Variants in TMTC4 observed in about 807,000 individuals in gnomAD.
The protein encoded by TMTC4 is transmembrane O-mannosyltransferase targeting cadherins 4.
Under a neutral mutation model 86.0 loss-of-function variants are expected in TMTC4, and 65 were observed. The observed-to-expected ratio is 0.76, with a 90% CI of 0.62 to 0.93. The LOEUF is 0.93. TMTC4 is among the 40% of genes least tolerant of loss of function. The pLI is 0.00. For synonymous variants in TMTC4, 379 were observed against 382.5 expected (o/e 0.99, Z 0.11); for missense variants, 866 against 948.1 (o/e 0.91, Z 1.14).
Position 100,621,998 on chromosome 13 carries a change from C to T in TMTC4, c.1836+3537G>A, listed in dbSNP as rs1002849333. Among the ~76,000 whole-genome samples the T allele has an allele frequency of 8.5e-5, 13 of 152,182 alleles. No homozygotes were observed. In the East Asian group the frequency reaches 2.5e-3, roughly 29 times the overall value. On this transcript the variant is annotated intron_variant, in intron 15 of 18. Coordinates refer to ENST00000342624, the MANE Select transcript of TMTC4 (RefSeq NM_032813.5). ...TGAGGTTTCACAGCCTCCCCTTCCC[C>T]CTGGGAACAAACAGCCGATCATTAT...
At chr13:100,639,811 G>GTGCC in intron 7 of TMTC4, among the ~76,000 whole-genome samples, 1 of 152,132 alleles carries the variant, frequency 6.6e-6, no homozygotes, top group South Asian at 2.1e-4. Context: ...GTGGTGGCAT[G>GTGCC]TGCCTGTAAT....
chr13:100,606,461 T>C (rs1386874183), intron 17 of TMTC4, 34 bp from the exon 18 acceptor site: 2 of 1,572,958 alleles, frequency 1.3e-6, no homozygotes, highest in Non-Finnish European at 1.7e-6. Context: ...GGAAGATATT[T>C]ATTGTACATG....
chr13:100,674,843 G>GCCGCGCACCCGCCCCCCCC (rs1887659015), upstream of TMTC4: 1 of 972,374 alleles, frequency 1.0e-6, no homozygotes, highest in African/African-American at 1.8e-5. Flanking sequence ...GGGGCCGCCC[G>GCCGCGCACCCGCCCCCCCC]CCGCGCACCC....
At chr13:100,614,023 C>T (rs745380021) in intron 16 of TMTC4, among the ~76,000 whole-genome samples, 3 of 151,090 alleles carry the variant, frequency 2.0e-5, no homozygotes, top group African/African-American at 4.9e-5. Context: ...ATTTTTAGTA[C>T]GGACAGGGTT....
At chr13:100,612,694 C>A (rs888894219) in intron 16 of TMTC4, among the ~76,000 whole-genome samples, 184 bp from the exon 17 acceptor site, 2 of 143,698 alleles carry the variant, frequency 1.4e-5, no homozygotes, top group Non-Finnish European at 3.1e-5. Flanking sequence ...CACACACACA[C>A]GACGTTATCA....
intron 15 of TMTC4, among the ~76,000 whole-genome samples, chr13:100,619,241 G>A (rs576821854): frequency 3.9e-5 from 6 of 152,266 alleles, no homozygotes; most frequent in Admixed American, 1.3e-4. Flanking sequence ...CAGTAGGGGC[G>A]GTTGTTGCTT....
chr13:100,618,287 A>C (rs189928301), intron 15 of TMTC4, among the ~76,000 whole-genome samples: 3 of 152,184 alleles, frequency 2.0e-5, no homozygotes, highest in Non-Finnish European at 4.4e-5. Context: ...ATGAAGAGAG[A>C]TAGCTTGACT....
intron 15 of TMTC4, among the ~76,000 whole-genome samples, chr13:100,619,517 C>T (rs1879160611): frequency 6.6e-6 from 1 of 152,194 alleles, no homozygotes; most frequent in African/African-American, 2.4e-5. Context: ...TGTTTCCTTA[C>T]TTACTGGCAA....
At chr13:100,648,667 C>A (rs1440014016) in intron 6 of TMTC4, among the ~76,000 whole-genome samples, 1 of 152,166 alleles carries the variant, frequency 6.6e-6, no homozygotes, top group East Asian at 1.9e-4. Flanking sequence ...CCGGATTAGT[C>A]ACTCAACAAT....
At chr13:100,674,892 G>C, upstream of TMTC4, 2 of 981,790 alleles carry the variant, frequency 2.0e-6, no homozygotes, top group African/African-American at 3.5e-5. Context: ...CTCCCCACGC[G>C]CGCGGGCGCC....
Position 100,664,176 on chromosome 13 carries a change from C to T in TMTC4, c.335+45G>A, listed in dbSNP as rs541336019. 2.3e-5 allele frequency: 35 copies of T among 1,511,836 alleles called. No homozygotes were observed. The African/African-American group carries it at 3.2e-4, about 14-fold the overall frequency. 93.7% of individuals were successfully genotyped at this position (1,511,836 alleles called of 1,614,324 possible). ...ACACACCTGTATCCAATGTCACACA[C>T]AAGCTGGGAGGGACCTTCCCAGGCC... On this transcript the variant is annotated intron_variant, in intron 4 of 18. Transcript: ENST00000342624.
chr13:100,653,640 G>A (rs866940042), intron 6 of TMTC4, among the ~76,000 whole-genome samples: 2 of 152,334 alleles, frequency 1.3e-5, no homozygotes, highest in Middle Eastern at 3.4e-3. Flanking sequence ...TGATGGAATT[G>A]AGGCAGAATT....
intron 12 of TMTC4, among the ~76,000 whole-genome samples, chr13:100,630,027 ATGTGTGTG>A (rs71121125): frequency 0.014 from 627 of 46,154 alleles, 12 homozygotes; most frequent in African/African-American, 0.029. Flanking sequence ...ATCTGTGTGT[ATGTGTGTG>A]TGTGTGTGTG....
rs933337021 is a variant in TMTC4 at position 100,636,795 on chromosome 13, C to G, written c.1000-61G>C. On this transcript the variant is annotated intron_variant, in intron 9 of 18. Coordinates refer to ENST00000342624, the MANE Select transcript of TMTC4 (RefSeq NM_032813.5). ...ACTGAACTTAAAAAACACATATATA[C>G]GCACTAACTTCACTTTGGAGGCACT... The G allele has an allele frequency of 1.9e-6, 3 of 1,556,920 alleles. No homozygotes were observed. In the African/African-American group the frequency reaches 4.1e-5, roughly 21 times the overall value.
upstream of TMTC4, chr13:100,675,023 AG>A: frequency 8.1e-6 from 8 of 985,564 alleles, no homozygotes; most frequent in Non-Finnish European, 9.6e-6. Context: ...ACGTCAGGCC[AG>A]GGGGCGCTAG....
At chr13:100,637,445 G>A (rs924773676) in intron 9 of TMTC4, 93 bp downstream of exon 9, 61 of 1,480,104 alleles carry the variant, frequency 4.1e-5, no homozygotes, top group Non-Finnish European at 5.2e-5. Context: ...TTTTGTTGGC[G>A]TGCAGAGGAG....
At chr13:100,633,467 TA>T (rs1458284625) in intron 12 of TMTC4, among the ~76,000 whole-genome samples, 1 of 152,162 alleles carries the variant, frequency 6.6e-6, no homozygotes, top group Non-Finnish European at 1.5e-5. Context: ...CTGCAAGTTT[TA>T]AAAAGTGTAG....
chr13:100,674,836 G>T, upstream of TMTC4: 1 of 975,152 alleles, frequency 1.0e-6, no homozygotes, highest in Non-Finnish European at 1.2e-6. Context: ...AGGGGGAGGG[G>T]CCGCCCGCCG....
intron 1 of TMTC4, chr13:100,674,166 C>CCCCGGGCG (rs536068499): frequency 0.21 from 204,796 of 969,118 alleles, 22,853 homozygotes; most frequent in Admixed American, 0.23. Context: ...GGCTCGGTGG[C>CCCCGGGCG]CCCGGGCGCC....
Sources: allele counts gnomAD v4.1 joint callset (sites outside exome capture counted in the v4.1 genomes callset), GRCh38; gene constraint gnomAD v4.1.1; transcripts MANE v1.5; gene names NCBI Gene and HGNC (gene_info 2026-07-23, HGNC 2026-07-21).